The following LIPA variants were observed in gnomAD, a reference collection of about 807,000 sequenced individuals.
LIPA encodes lysosomal acid lipase/cholesteryl ester hydrolase.
LIPA carries 26 observed loss-of-function variants against 40.6 expected under a neutral mutation model. The observed-to-expected ratio is 0.64, with a 90% CI of 0.47 to 0.89. The LOEUF is 0.89. Among genes scored for constraint, LIPA ranks in the 40% least tolerant of loss-of-function variants. LIPA has a pLI of 0.00. For missense variants in LIPA, 455 were observed against 479.6 expected, an observed-to-expected ratio of 0.95 and a Z score of 0.48; for synonymous variants, 188 against 168.4, an observed-to-expected ratio of 1.12 and a Z score of -0.90.
exon 1 of LIPA, chr10:89,414,414 G>A (rs1296634884): frequency 2.7e-5 from 6 of 221,704 alleles, no homozygotes; most frequent in Non-Finnish European, 5.3e-5. Context: ...TACTCAGGGA[G>A]GCAGATAAAA....
At chr10:89,252,986 T>G (rs1262200487), upstream of LIPA, among the ~76,000 whole-genome samples, 1 of 152,176 alleles carries the variant, frequency 6.6e-6, no homozygotes. Context: ...ATATTCCTGG[T>G]GGGTCCTAGC....
chr10:89,391,336 C>T (rs545556622), intron 2 of LIPA, among the ~76,000 whole-genome samples: 1 of 152,116 alleles, frequency 6.6e-6, no homozygotes, highest in African/African-American at 2.4e-5. Context: ...ACCTCAGCCT[C>T]CTGAGTAGCT....
At chr10:89,339,213 C>G in intron 1 of LIPA, 2 of 1,613,992 alleles carry the variant, frequency 1.2e-6, no homozygotes, top group Non-Finnish European at 1.7e-6. Context: ...TGGATAATCA[C>G]CCAGAGAAAC....
intron 2 of LIPA, among the ~76,000 whole-genome samples, chr10:89,358,118 G>A (rs1463773061): frequency 2.6e-5 from 4 of 152,162 alleles, no homozygotes; most frequent in Non-Finnish European, 4.4e-5. Context: ...GAGGTCTGCA[G>A]GAAGGACAGA....
Position 89,222,503 on chromosome 10 carries a change from A to G in LIPA, c.894+8T>C. The G allele has an allele frequency of 6.3e-7, 1 of 1,589,906 alleles. No homozygotes were observed. Among genetic ancestry groups the G allele is most frequent in the Middle Eastern group, 1.7e-4 (1 of 6,010 alleles). On this transcript the variant is annotated splice_region_variant and intron_variant, in intron 8 of 9. Coordinates refer to ENST00000336233, the MANE Select transcript of LIPA (RefSeq NM_000235.4). ...CATGAACCCCAAATGCACTCCTGGA[A>G]TGCCTACCTGGCTCCAGTGTAACAT... is the stretch of plus-strand genomic sequence containing the variant.
rs61634428 is a variant in LIPA, at chr10:89,315,166, T to G, written c.-2+27445A>C. ...TTTACATGTTTGTATCTGTGATATA[T>G]GGGACCCTCTAAAGCACGGGGCCAA... On this transcript the variant is annotated intron_variant, in intron 1 of 5. Coordinates refer to the LIPA transcript ENST00000282673. 8.5e-3 allele frequency among the ~76,000 whole-genome samples: 1,294 copies of G among 152,346 alleles called. 16 individuals are homozygous for G. Among genetic ancestry groups the G allele is most frequent in the African/African-American group, 0.029 (1,199 of 41,574 alleles).
intron 2 of LIPA, among the ~76,000 whole-genome samples, chr10:89,395,302 G>A (rs1390733300): frequency 6.6e-6 from 1 of 151,608 alleles, no homozygotes; most frequent in Non-Finnish European, 1.5e-5. Flanking sequence ...CTCTCCACAG[G>A]AAACCCACCT....
rs552748206 is a variant in LIPA, at chr10:89,334,737, C to T, written c.-2+7874G>A. ...CGAACTCTTGACCTCATGATCCACC[C>T]GCCTCAGCCTCCCAAAATGCTGGGA... On this transcript the variant is annotated intron_variant, in intron 1 of 5. Coordinates refer to the LIPA transcript ENST00000282673. 1.7e-3 allele frequency among the ~76,000 whole-genome samples: 251 copies of T among 151,570 alleles called. 1 individual carries two copies. Among genetic ancestry groups the T allele is most frequent in the Non-Finnish European group, 2.4e-3 (162 of 67,880 alleles).
Position 89,214,838 on chromosome 10 carries a change from T to G in LIPA, c.1190A>C (p.Lys397Thr). The G allele has an allele frequency of 6.3e-7, 1 of 1,585,814 alleles. No homozygotes were observed. Among genetic ancestry groups the G allele is most frequent in the South Asian group, 1.1e-5 (1 of 90,404 alleles). The change falls in exon 10 of 10, where the codon AAA becomes ACA. Residue 397 changes from lysine to threonine, a missense_variant. Lys to Thr is a moderately conservative substitution (Grantham distance 78). Transcript: ENST00000336233. The part of the protein sequence containing the change: ...LYNKIINLMR[K>T]YQ ...GCTCAAGTCCAGCTTTCACTGATAT[T>G]TCCTCATTAGATTAATAATTTTATT... is the stretch of plus-strand genomic sequence containing the variant.
chr10:89,361,133 GGGAGCTA>G (rs1436427971), intron 2 of LIPA, among the ~76,000 whole-genome samples: 1 of 152,144 alleles, frequency 6.6e-6, no homozygotes, highest in Non-Finnish European at 1.5e-5. Flanking sequence ...TACAGGTACT[GGGAGCTA>G]GGACTTCAGA....
chr10:89,214,685 G>T lies in LIPA; in HGVS notation c.*143C>A, dbSNP rs1187930321. 1.6e-6 allele frequency: 1 copy of T among 634,880 alleles called. No individual in the cohort carries two copies. Among genetic ancestry groups the T allele is most frequent in the Admixed American group, 2.7e-5 (1 of 37,252 alleles). 39.3% of individuals were successfully genotyped at this position (634,880 alleles called of 1,614,324 possible). A position where few individuals can be genotyped will look rare whatever the true frequency, so the allele number is the denominator to read the frequency against. ...TTCTAATTGAAACTAGAGTGAACTG[G>T]GCATCTTCAAAGTTATCATTTTCTT... On this transcript the variant is annotated 3_prime_UTR_variant, in exon 10 of 10. Coordinates refer to ENST00000336233, the MANE Select transcript of LIPA (RefSeq NM_000235.4).
At chr10:89,364,698 C>G (rs1485326118) in intron 2 of LIPA, among the ~76,000 whole-genome samples, 1 of 149,940 alleles carries the variant, frequency 6.7e-6, no homozygotes, top group African/African-American at 2.4e-5. Context: ...ATTAGTCATT[C>G]TGACCTAAGG....
chr10:89,402,500 A>G (rs1486336461), intron 2 of LIPA: 1 of 1,614,110 alleles, frequency 6.2e-7, no homozygotes. Flanking sequence ...TGAAGAGCTT[A>G]AAAGAAGCTG....
intron 2 of LIPA, among the ~76,000 whole-genome samples, chr10:89,385,790 A>C (rs545498750): frequency 2.6e-5 from 4 of 152,226 alleles, no homozygotes; most frequent in Non-Finnish European, 5.9e-5. Flanking sequence ...CGTGACCCAA[A>C]CACACTGCTG....
At chr10:89,378,705 G>C (rs1844140024) in intron 2 of LIPA, among the ~76,000 whole-genome samples, 1 of 152,184 alleles carries the variant, frequency 6.6e-6, no homozygotes, top group South Asian at 2.1e-4. Flanking sequence ...CACAGAGCAT[G>C]GTGAAGAATG....
At chr10:89,259,012 G>A (rs190568971) in intron 1 of LIPA, among the ~76,000 whole-genome samples, 14 of 152,354 alleles carry the variant, frequency 9.2e-5, no homozygotes, top group Non-Finnish European at 1.8e-4. Context: ...CAGACAGCAA[G>A]TAGATTAGTA....
At chr10:89,384,868 G>C (rs1258478015) in intron 2 of LIPA, 1 of 801,790 alleles carries the variant, frequency 1.2e-6, no homozygotes, top group African/African-American at 1.7e-5. Context: ...TGGCTGTGTG[G>C]CCTGAGTTAT....
chr10:89,375,909 C>G (rs1844117292), intron 2 of LIPA, among the ~76,000 whole-genome samples: 1 of 151,976 alleles, frequency 6.6e-6, no homozygotes, highest in African/African-American at 2.4e-5. Flanking sequence ...CAAGACGGGC[C>G]AGGTGCAGTG....
chr10:89,332,501 TA>T, intron 1 of LIPA: 1 of 1,581,732 alleles, frequency 6.3e-7, no homozygotes, highest in Non-Finnish European at 8.6e-7. Flanking sequence ...TCCCCTTTCA[TA>T]AAAGCACAGA....
Sources: allele counts gnomAD v4.1 joint callset (sites outside exome capture counted in the v4.1 genomes callset), GRCh38; gene constraint gnomAD v4.1.1; transcripts MANE v1.5; gene names NCBI Gene and HGNC (gene_info 2026-07-23, HGNC 2026-07-21).